The following FAM219A variants were observed in gnomAD, a reference collection of about 807,000 sequenced individuals.
FAM219A encodes the protein protein FAM219A.
FAM219A carries 7 observed loss-of-function variants against 23.4 expected under a neutral mutation model. That is an observed-to-expected ratio of 0.30 (90% CI 0.17 to 0.56). The LOEUF is 0.56. FAM219A is among the 20% of genes least tolerant of loss of function. FAM219A has a pLI of 0.92. For missense variants in FAM219A, 166 were observed against 246.9 expected, an observed-to-expected ratio of 0.67 and a Z score of 2.20; for synonymous variants, 93 against 99.0, an observed-to-expected ratio of 0.94 and a Z score of 0.36.
intron 1 of FAM219A, among the ~76,000 whole-genome samples, chr9:34,411,750 A>G (rs930146664): frequency 1.3e-5 from 2 of 152,194 alleles, no homozygotes; most frequent in Non-Finnish European, 2.9e-5. Context: ...AATAATTATT[A>G]ATAAAGGTAA....
intron 1 of FAM219A, among the ~76,000 whole-genome samples, chr9:34,433,920 C>T (rs1374646032): frequency 1.3e-5 from 2 of 152,026 alleles, no homozygotes; most frequent in Non-Finnish European, 2.9e-5. Flanking sequence ...GAAGTGGCCT[C>T]GGCCGGGCGC....
At chr9:34,410,627 A>T (rs1821789632) in intron 1 of FAM219A, among the ~76,000 whole-genome samples, 1 of 152,190 alleles carries the variant, frequency 6.6e-6, no homozygotes. Flanking sequence ...CATTCAAATT[A>T]TACTCCTCCT....
In FAM219A at chr9:34,457,091, C is replaced by T. The variant is rs1823759071; in HGVS notation, c.60+1113G>A. On this transcript the variant is annotated intron_variant, in intron 1 of 5. Coordinates refer to ENST00000651358, the MANE Select transcript of FAM219A (RefSeq NM_001184940.2). The surrounding 1 kb of genome is among the most constrained non-coding windows in gnomAD (Gnocchi z 5.1). Reference sequence around the variant, plus strand: ...AGAACTTGGAGAACTCAGCTCTGCTCCAGCCAGCACAGCTCAGAGAAATGG... The same window carrying T: ...AGAACTTGGAGAACTCAGCTCTGCTTCAGCCAGCACAGCTCAGAGAAATGG... Among the ~76,000 whole-genome samples, 1 of 152,212 alleles carries T rather than the reference C, an allele frequency of 6.6e-6. No homozygotes were observed. Among genetic ancestry groups the T allele is most frequent in the African/African-American group, 2.4e-5 (1 of 41,446 alleles).
intron 1 of FAM219A, among the ~76,000 whole-genome samples, chr9:34,408,548 CAT>C (rs778385604): frequency 4.3e-4 from 66 of 152,364 alleles, no homozygotes; most frequent in Admixed American, 1.1e-3. Context: ...GCATTCGTCA[CAT>C]GTCACATATA....
intron 1 of FAM219A, among the ~76,000 whole-genome samples, chr9:34,448,823 A>G (rs1823459258): frequency 6.6e-6 from 1 of 152,148 alleles, no homozygotes; most frequent in African/African-American, 2.4e-5. Context: ...AGAATGATAT[A>G]ATGGACTCTG....
Position 34,398,490 on chromosome 9 carries a change from C to A in FAM219A, c.*2474G>T. The stretch of plus-strand genomic sequence containing the variant: ...AGGGAGCCACACCCCTCCCTAGACA[C>A]AGAAGCTGCCACTGCCAGCTTCCTG... On this transcript the variant is annotated 3_prime_UTR_variant, in exon 6 of 6. Transcript: ENST00000651358. 1.0e-6 allele frequency: 1 copy of A among 993,710 alleles called. No homozygotes were observed. Among genetic ancestry groups the A allele is most frequent in the Non-Finnish European group, 1.5e-6 (1 of 674,568 alleles). 61.6% of individuals were successfully genotyped at this position (993,710 alleles called of 1,614,324 possible). A position where few individuals can be genotyped will look rare whatever the true frequency, so the allele number is the denominator to read the frequency against.
At chr9:34,407,809 T>C (rs1186357603) in intron 1 of FAM219A, among the ~76,000 whole-genome samples, 2 of 152,192 alleles carry the variant, frequency 1.3e-5, no homozygotes, top group African/African-American at 2.4e-5. Context: ...CAGATGGGCA[T>C]GTAGAATGCT....
At chr9:34,434,268 T>G (rs1280621020) in intron 1 of FAM219A, among the ~76,000 whole-genome samples, 1 of 145,978 alleles carries the variant, frequency 6.9e-6, no homozygotes, top group Admixed American at 6.7e-5. Context: ...ATCTCTCCAA[T>G]CTTCCTATTA....
chr9:34,421,299 TAC>T (rs1034652831), intron 1 of FAM219A, among the ~76,000 whole-genome samples: 55 of 151,836 alleles, frequency 3.6e-4, no homozygotes, highest in Middle Eastern at 3.4e-3. Flanking sequence ...CAGCTGGGGG[TAC>T]AGAGGTAAGG....
chr9:34,439,946 G>A (rs544356550), intron 1 of FAM219A, among the ~76,000 whole-genome samples: 13 of 152,274 alleles, frequency 8.5e-5, no homozygotes, highest in Non-Finnish European at 1.9e-4. Flanking sequence ...GTGGATAAAA[G>A]GGATAGGGCT....
At chr9:34,413,161 A>C (rs1270523198) in intron 1 of FAM219A, among the ~76,000 whole-genome samples, 1 of 150,526 alleles carries the variant, frequency 6.6e-6, no homozygotes, top group Non-Finnish European at 1.5e-5. Flanking sequence ...AAGGGAGGTA[A>C]GGAAGGTGAG....
chr9:34,416,232 AAAGAAAGAAAGAAAGAAAG>A (rs1421644992), intron 1 of FAM219A, among the ~76,000 whole-genome samples: 3 of 137,420 alleles, frequency 2.2e-5, no homozygotes, highest in Non-Finnish European at 4.7e-5. Context: ...AGAAAGAAAG[AAAGAAAGAAAGAAAGAAAG>A]AAAGAAAGGG....
chr9:34,430,525 T>C lies in FAM219A; in HGVS notation c.61-24561A>G, dbSNP rs186817535. ...GGTGGTGGGCGCTTGTAGTCCCAGC[T>C]ACTCAGGAGGCTGAGGCAGGAGAAT... On this transcript the variant is annotated intron_variant, in intron 1 of 5. Coordinates refer to ENST00000651358, the MANE Select transcript of FAM219A (RefSeq NM_001184940.2). Among the ~76,000 whole-genome samples the C allele has an allele frequency of 2.8e-3, 425 of 149,356 alleles. 1 individual carries two copies. The highest frequency in any genetic ancestry group is 4.4e-3 in the Non-Finnish European group (301 of 67,738).
chr9:34,440,309 T>A (rs1823118966), intron 1 of FAM219A, among the ~76,000 whole-genome samples: 1 of 152,154 alleles, frequency 6.6e-6, no homozygotes, highest in African/African-American at 2.4e-5. Context: ...AAGACTCCCA[T>A]GGGCAGGGAA....
At chr9:34,404,227 A>G (rs1225490957) in intron 2 of FAM219A, among the ~76,000 whole-genome samples, 1 of 152,256 alleles carries the variant, frequency 6.6e-6, no homozygotes, top group African/African-American at 2.4e-5. Flanking sequence ...AAGGAGCTCC[A>G]AGATTTAGGT....
intron 1 of FAM219A, among the ~76,000 whole-genome samples, chr9:34,440,936 C>G (rs1823147683): frequency 6.6e-6 from 1 of 152,082 alleles, no homozygotes; most frequent in Admixed American, 6.6e-5. Flanking sequence ...CAGGCCTGAT[C>G]GTATAGCACT....
chr9:34,435,967 G>A (rs965654729), intron 1 of FAM219A, among the ~76,000 whole-genome samples: 37 of 151,840 alleles, frequency 2.4e-4, no homozygotes, highest in Admixed American at 2.4e-3. Flanking sequence ...CACCACACCT[G>A]GCTCATTTTG....
chr9:34,402,320 G>A (rs1231975791), intron 4 of FAM219A, 67 bp downstream of exon 4: 3 of 1,613,994 alleles, frequency 1.9e-6, no homozygotes, highest in African/African-American at 2.7e-5. Flanking sequence ...GGTGTGGCCT[G>A]TACAGCCCAC....
intron 1 of FAM219A, among the ~76,000 whole-genome samples, chr9:34,436,421 A>T (rs562461043): frequency 1.3e-4 from 20 of 151,018 alleles, no homozygotes; most frequent in South Asian, 4.2e-4. Context: ...TTAAAAAAAA[A>T]TTTTTGTAGA....
Sources: gnomAD v4.1 joint callset for allele counts (sites outside exome capture counted in the v4.1 genomes callset) on GRCh38, gnomAD v4.1.1 for gene constraint, Gnocchi (gnomAD v3.1) non-coding constraint, MANE v1.5 for transcripts, NCBI Gene and HGNC (gene_info 2026-07-23, HGNC 2026-07-21) for gene names.